MYO18A: variants seen among roughly 807,000 people sequenced by gnomAD.
MYO18A encodes unconventional myosin-XVIIIa.
Under a neutral mutation model 235.8 loss-of-function variants are expected in MYO18A, and 78 were observed. The ratio of observed to expected loss-of-function variants is 0.33; its 90% CI spans 0.28 to 0.40. The LOEUF (loss-of-function observed/expected upper bound fraction) is 0.40, where lower values mean the gene tolerates loss of function less well. Ranked by LOEUF, MYO18A falls within the 10% of genes least tolerant of loss-of-function variation. The pLI is 1.00. For synonymous variants in MYO18A, 977 were observed against 1,077.8 expected (o/e 0.91, Z 1.83); for missense variants, 2,215 against 2,699.3 (o/e 0.82, Z 3.98).
rs1474298579 is a variant in MYO18A at position 29,094,837 on chromosome 17, T to C, written c.4523A>G (p.Asp1508Gly). 2 of 1,613,920 alleles carry C rather than the reference T, an allele frequency of 1.2e-6. No individual in the cohort carries two copies. Among genetic ancestry groups the C allele is most frequent in the African/African-American group, 1.3e-5 (1 of 74,932 alleles). Reference protein sequence around the residue: ...LKQQLEEKDMDIAGFTQKVVS... With the variant: ...LKQQLEEKDMGIAGFTQKVVS... Reference sequence around the variant, plus strand: ...AACCTTCTGGGTGAACCCTGCAATGTCCATGTCTTTTTCCTGGAGCAAAAG... The same window carrying C: ...AACCTTCTGGGTGAACCCTGCAATGCCCATGTCTTTTTCCTGGAGCAAAAG... Residue 1508 changes from aspartate to glycine, a missense_variant, in exon 30 of 42, where the codon GAC (aspartate) becomes GGC (glycine). Transcript: ENST00000527372.
Position 29,120,838 on chromosome 17 carries a change from G to A in MYO18A, c.1586-80C>T, listed in dbSNP as rs1465698109. The A allele has an allele frequency of 2.5e-6, 4 of 1,572,582 alleles. No homozygotes were observed. Among genetic ancestry groups the A allele is most frequent in the Non-Finnish European group, 3.5e-6 (4 of 1,157,138 alleles). On this transcript the variant is annotated intron_variant, in intron 6 of 41. Coordinates refer to ENST00000527372, the MANE Select transcript of MYO18A (RefSeq NM_078471.4). This position sits in a 1 kb window ranked among gnomAD's most constrained non-coding sequence, Gnocchi z 4.2. ...CAGCTAGGAGCTACCCCAGAGGTAT[G>A]AAGGCTTGGGGCCATTCAGACCAGA...
chr17:29,119,724 C>T lies in MYO18A; in HGVS notation c.1729-289G>A, dbSNP rs557626381. Among the ~76,000 whole-genome samples, 10 of 151,952 alleles carry T rather than the reference C, an allele frequency of 6.6e-5. No homozygotes were observed. In the South Asian group the frequency reaches 1.7e-3, roughly 25 times the overall value. ...GATTACAGGCATGCACCACCATACCCGGCTGATTTTTGTGTTTTTAGTAGA... is the reference window on the plus strand; with the variant it reads ...GATTACAGGCATGCACCACCATACCTGGCTGATTTTTGTGTTTTTAGTAGA... On this transcript the variant is annotated intron_variant, in intron 7 of 41. Coordinates refer to ENST00000527372, the MANE Select transcript of MYO18A (RefSeq NM_078471.4).
At position 29,120,564 on chromosome 17, in the gene MYO18A, G is replaced by T; in HGVS notation, c.1728+52C>A. The stretch of plus-strand genomic sequence containing the variant: ...GGAGAGAGCCTGATGTCTAGGTCAT[G>T]AAATCATGTGGCCTGTGTCCTACTA... On this transcript the variant is annotated intron_variant, in intron 7 of 41. Coordinates refer to ENST00000527372, the MANE Select transcript of MYO18A (RefSeq NM_078471.4). The surrounding 1 kb of genome is among the most constrained non-coding windows in gnomAD (Gnocchi z 4.2). The T allele has an allele frequency of 1.9e-6, 3 of 1,576,468 alleles. No individual in the cohort carries two copies. The highest frequency in any genetic ancestry group is 2.3e-5 in the South Asian group (2 of 85,248).
chr17:29,111,345 G>T lies in MYO18A; in HGVS notation c.2900+79C>A. Reference sequence around the variant, plus strand: ...ACTTTGCTAGTGAGGGGGCCTCTGAGACAACCCCAGGGGGAGGGAGCCCCA... The same window carrying T: ...ACTTTGCTAGTGAGGGGGCCTCTGATACAACCCCAGGGGGAGGGAGCCCCA... On this transcript the variant is annotated intron_variant, in intron 17 of 41. Transcript: ENST00000527372. The surrounding 1 kb of genome is among the most constrained non-coding windows in gnomAD (Gnocchi z 5.1). 6.6e-7 allele frequency: 1 copy of T among 1,518,274 alleles called. No individual in the cohort carries two copies. The highest frequency in any genetic ancestry group is 1.2e-5 in the South Asian group (1 of 82,478). 94.1% of individuals were successfully genotyped at this position (1,518,274 alleles called of 1,614,324 possible). A position where few individuals can be genotyped will look rare whatever the true frequency, so the allele number is the denominator to read the frequency against.
chr17:29,162,866 A>G (rs1056007759), intron 2 of MYO18A, among the ~76,000 whole-genome samples: 1 of 152,164 alleles, frequency 6.6e-6, no homozygotes, highest in Admixed American at 6.5e-5. Flanking sequence ...AACCTCATCT[A>G]GCAGCTACCA....
Position 29,117,255 on chromosome 17 carries a change from G to C in MYO18A, c.2038+790C>G, listed in dbSNP as rs2067095230. On this transcript the variant is annotated intron_variant, in intron 10 of 41. Coordinates refer to ENST00000527372, the MANE Select transcript of MYO18A (RefSeq NM_078471.4). The surrounding 1 kb of genome is among the most constrained non-coding windows in gnomAD (Gnocchi z 4.6). ...GATGGAGCAGAGCTCCTCCAAGCCA[G>C]GCCAAGTCCCCGAGCGCAAGTGCCA... Among the ~76,000 whole-genome samples, 1 of 152,208 alleles carries C rather than the reference G, an allele frequency of 6.6e-6. No individual in the cohort carries two copies. The highest frequency in any genetic ancestry group is 2.1e-4 in the South Asian group (1 of 4,834).
intron 41 of MYO18A, chr17:29,078,491 C>T (rs1481682706): frequency 6.6e-6 from 1 of 152,298 alleles, no homozygotes; most frequent in Non-Finnish European, 1.5e-5. Context: ...TTGGTATAAT[C>T]CATTCAAAGT....
At chr17:29,103,566 G>A (rs953630552) in intron 21 of MYO18A, 33 bp downstream of exon 21, 1 of 1,611,944 alleles carries the variant, frequency 6.2e-7, no homozygotes, top group Non-Finnish European at 8.5e-7. Context: ...CCCCTGGAGT[G>A]AGGCCCGACT....
chr17:29,141,912 T>C (rs1046411476), intron 2 of MYO18A, among the ~76,000 whole-genome samples: 2 of 152,212 alleles, frequency 1.3e-5, no homozygotes, highest in African/African-American at 4.8e-5. Flanking sequence ...ACATAATTGG[T>C]CTGGGAGCAG....
At chr17:29,167,790 A>G (rs138727623) in intron 1 of MYO18A, among the ~76,000 whole-genome samples, 1 of 152,290 alleles carries the variant, frequency 6.6e-6, no homozygotes, top group East Asian at 1.9e-4. Context: ...TTTAAGCAAC[A>G]GACATCCCAT....
At position 29,099,778 on chromosome 17, in the gene MYO18A, C is replaced by T. The variant is rs1238911528; in HGVS notation, c.3508-16G>A. On this transcript the variant is annotated splice_polypyrimidine_tract_variant and intron_variant, in intron 21 of 41. Coordinates refer to ENST00000527372, the MANE Select transcript of MYO18A (RefSeq NM_078471.4). ...GGAAGAACACCTGTGAAAAAGCAGG[C>T]CAGGTGAAGGCAGGATACTGGGCCA... The T allele has an allele frequency of 6.2e-7, 1 of 1,609,322 alleles. No homozygotes were observed. The highest frequency in any genetic ancestry group is 2.2e-5 in the East Asian group (1 of 44,862).
At chr17:29,098,734 C>T (rs920849177) in intron 23 of MYO18A, 92 bp downstream of exon 23, 1 of 1,507,214 alleles carries the variant, frequency 6.6e-7, no homozygotes, top group African/African-American at 1.4e-5. Context: ...TGACAGCTCT[C>T]TGGACTAAAC....
intron 40 of MYO18A, among the ~76,000 whole-genome samples, chr17:29,083,716 A>T (rs1307522997): frequency 6.6e-6 from 1 of 152,154 alleles, no homozygotes; most frequent in Non-Finnish European, 1.5e-5. Context: ...GACAACCTCG[A>T]AACTGCTAAT....
In MYO18A at chr17:29,092,985, A is replaced by C. The variant is rs749210452; in HGVS notation, c.4943T>G (p.Phe1648Cys). The C allele has an allele frequency of 9.9e-6, 16 of 1,612,960 alleles. 1 individual carries two copies. In the South Asian group the frequency reaches 1.4e-4, roughly 14 times the overall value. ...TLSDQVNRRD[F>C]ESEKRLRKDL... ...CTTCCGCAGCCGCTTCTCTGACTCA[A>C]AGTCCCGCCGGTTCACCTGGGTGGG... The change falls in exon 33 of 42, where the codon TTT becomes TGT. Residue 1648 changes from phenylalanine (F) to cysteine (C), a missense_variant. Transcript: ENST00000527372.
chr17:29,162,485 G>C (rs7211011), intron 2 of MYO18A, among the ~76,000 whole-genome samples: 62,889 of 151,914 alleles, frequency 0.41, 13,368 homozygotes, highest in East Asian at 0.59. Flanking sequence ...TCTTGCCTCC[G>C]CTTCACTCAT....
At chr17:29,090,988 G>A in intron 34 of MYO18A, 62 bp from the exon 35 acceptor site, 3 of 1,328,680 alleles carry the variant, frequency 2.3e-6, no homozygotes, top group Non-Finnish European at 3.2e-6. Context: ...GGCTCCAGCT[G>A]CCTCCAATGG....
chr17:29,118,700 G>A lies in MYO18A; in HGVS notation c.1830-260C>T, dbSNP rs1193619643. ...AACCTGGCCCCCGGAAGGGAGCAGG[G>A]AACCTGCCCGAAGGGTGAGTCCCGC... is the stretch of plus-strand genomic sequence containing the variant. On this transcript the variant is annotated intron_variant, in intron 8 of 41. Transcript: ENST00000527372. This position sits in a 1 kb window ranked among gnomAD's most constrained non-coding sequence, Gnocchi z 4.2. Among the ~76,000 whole-genome samples, 3 of 152,254 alleles carry A rather than the reference G, an allele frequency of 2.0e-5. No individual in the cohort carries two copies. The highest frequency in any genetic ancestry group is 4.4e-5 in the Non-Finnish European group (3 of 68,042).
At chr17:29,171,988 G>C (rs1181781156) in intron 1 of MYO18A, among the ~76,000 whole-genome samples, 4 of 152,106 alleles carry the variant, frequency 2.6e-5, no homozygotes, top group Non-Finnish European at 5.9e-5. Flanking sequence ...GTTAATTGTA[G>C]AATCTAGGAA....
At chr17:29,159,637 G>T (rs1273319862) in intron 2 of MYO18A, among the ~76,000 whole-genome samples, 2 of 152,158 alleles carry the variant, frequency 1.3e-5, no homozygotes, top group Non-Finnish European at 2.9e-5. Context: ...CCCTAGGAAA[G>T]CCCAGTGCTC....
Sources: allele counts gnomAD v4.1 joint callset (sites outside exome capture counted in the v4.1 genomes callset), GRCh38; gene constraint gnomAD v4.1.1; non-coding constraint Gnocchi (gnomAD v3.1); transcripts MANE v1.5; gene names NCBI Gene and HGNC (gene_info 2026-07-23, HGNC 2026-07-21).